Variants in PPFIBP1 observed in about 807,000 individuals in gnomAD.
The protein encoded by PPFIBP1 is liprin-beta-1.
PPFIBP1 carries 112 observed loss-of-function variants against 137.8 expected under a neutral mutation model. The observed-to-expected ratio is 0.81, with a 90% CI of 0.70 to 0.95. The LOEUF (loss-of-function observed/expected upper bound fraction) is 0.95. Among genes scored for constraint, PPFIBP1 ranks in the 40% least tolerant of loss-of-function variants. PPFIBP1 has a pLI of 0.00. For missense variants in PPFIBP1, 1,083 were observed against 1,196.6 expected (o/e 0.91, Z 1.40); for synonymous variants, 378 against 417.3 (o/e 0.91, Z 1.15).
At chr12:27,637,777 T>C (rs1408341414) in intron 4 of PPFIBP1, among the ~76,000 whole-genome samples, 2 of 152,152 alleles carry the variant, frequency 1.3e-5, no homozygotes, top group Non-Finnish European at 2.9e-5. Flanking sequence ...GACTTTATTT[T>C]AGAACCAAAA....
At chr12:27,593,108 G>C (rs1050440150) in intron 2 of PPFIBP1, among the ~76,000 whole-genome samples, 42 of 132,534 alleles carry the variant, frequency 3.2e-4, no homozygotes, top group Middle Eastern at 5.0e-3. Context: ...CTCCAGCCTG[G>C]GCAACGGAGA....
At chr12:27,585,338 GCTTTTCC>G (rs2051605231) in intron 2 of PPFIBP1, among the ~76,000 whole-genome samples, 2 of 152,310 alleles carry the variant, frequency 1.3e-5, no homozygotes, top group South Asian at 2.1e-4. Flanking sequence ...ATAAAACTGA[GCTTTTCC>G]ACTCAGGAAA....
At chr12:27,569,265 A>G (rs2136614876) in intron 1 of PPFIBP1, among the ~76,000 whole-genome samples, 1 of 152,098 alleles carries the variant, frequency 6.6e-6, no homozygotes, top group East Asian at 1.9e-4. Flanking sequence ...CATCTCCTTC[A>G]GTATGTATAT....
intron 18 of PPFIBP1, chr12:27,676,819 A>C: frequency 1.4e-6 from 1 of 706,992 alleles, no homozygotes; most frequent in South Asian, 1.7e-5. Context: ...GTATAAACTT[A>C]GCGGAAAGAC....
intron 1 of PPFIBP1, among the ~76,000 whole-genome samples, chr12:27,568,968 G>T (rs955126520): frequency 6.6e-6 from 1 of 151,992 alleles, no homozygotes; most frequent in Non-Finnish European, 1.5e-5. Context: ...AGAGAAAAAG[G>T]TCAGAAACCA....
chr12:27,653,289 A>G (rs2058987419), intron 7 of PPFIBP1, among the ~76,000 whole-genome samples: 2 of 152,172 alleles, frequency 1.3e-5, no homozygotes, highest in South Asian at 4.1e-4. Flanking sequence ...ATGTCTTTGT[A>G]AAAAGAGAGA....
chr12:27,623,081 G>A (rs554659164), intron 2 of PPFIBP1, among the ~76,000 whole-genome samples: 39 of 152,270 alleles, frequency 2.6e-4, no homozygotes, highest in African/African-American at 9.4e-4. Context: ...CTAGGAAGCA[G>A]TCCATGTAGC....
At chr12:27,570,739 T>C (rs890004364) in intron 1 of PPFIBP1, among the ~76,000 whole-genome samples, 1 of 151,512 alleles carries the variant, frequency 6.6e-6, no homozygotes, top group Non-Finnish European at 1.5e-5. Context: ...TGAAACCCTG[T>C]CTCTACGAAA....
intron 27 of PPFIBP1, among the ~76,000 whole-genome samples, 158 bp downstream of exon 27, chr12:27,689,361 A>G (rs1156799385): frequency 2.0e-5 from 3 of 151,860 alleles, no homozygotes; most frequent in Non-Finnish European, 4.4e-5. Context: ...CTTGGGAGAA[A>G]GATGTTGGCC....
At chr12:27,662,681 C>G (rs2059623139) in intron 11 of PPFIBP1, among the ~76,000 whole-genome samples, 1 of 152,156 alleles carries the variant, frequency 6.6e-6, no homozygotes. Context: ...CAAGCACAGA[C>G]TCAAGTACTG....
intron 2 of PPFIBP1, among the ~76,000 whole-genome samples, chr12:27,607,145 C>T (rs1332008469): frequency 6.6e-6 from 1 of 152,180 alleles, no homozygotes; most frequent in Non-Finnish European, 1.5e-5. Context: ...ACAGATTAGG[C>T]ACTGTGATAA....
At chr12:27,555,910 A>T (rs1429174299) in intron 1 of PPFIBP1, among the ~76,000 whole-genome samples, 1 of 152,216 alleles carries the variant, frequency 6.6e-6, no homozygotes, top group Non-Finnish European at 1.5e-5. Context: ...TAAAAAAAGC[A>T]ATTACTTATT....
intron 15 of PPFIBP1, 127 bp from the exon 16 acceptor site, chr12:27,673,640 A>AT: frequency 1.4e-6 from 1 of 729,444 alleles, no homozygotes; most frequent in South Asian, 1.9e-5. Context: ...TGACTGCCTG[A>AT]TTCCAGATTT....
chr12:27,577,770 G>A (rs1350010056), intron 1 of PPFIBP1, among the ~76,000 whole-genome samples: 2 of 152,012 alleles, frequency 1.3e-5, no homozygotes, highest in African/African-American at 2.4e-5. Context: ...TTACCTTAAC[G>A]ACAAAATATT....
intron 26 of PPFIBP1, 107 bp downstream of exon 26, chr12:27,688,530 A>T: frequency 7.5e-7 from 1 of 1,325,624 alleles, no homozygotes; most frequent in Non-Finnish European, 1.0e-6. Context: ...ATCTGACTCA[A>T]CCCTCCTGCC....
intron 4 of PPFIBP1, among the ~76,000 whole-genome samples, chr12:27,640,942 G>A (rs1350148338): frequency 6.6e-6 from 1 of 152,168 alleles, no homozygotes; most frequent in Non-Finnish European, 1.5e-5. Context: ...GGTAACTAGA[G>A]ATAATGTTTA....
At chr12:27,644,254 T>G in intron 4 of PPFIBP1, among the ~76,000 whole-genome samples, 1 of 41,738 alleles carries the variant, frequency 2.4e-5, no homozygotes, top group East Asian at 4.9e-4. Context: ...GTTTTTTTTT[T>G]TTTTTTTTTT....
At position 27,689,119 on chromosome 12, in the gene PPFIBP1, G is replaced by A. The variant is rs61730962; in HGVS notation, c.2601G>A (p.Leu867=). Residue 867 remains leucine (L), a synonymous_variant, in exon 27 of 30, where the codon CTG becomes CTA. Transcript: ENST00000228425. ...RRHLATHFNL[L]IGAEAQHQKR... ...ATTTGGCCACTCATTTCAACCTTCTGATTGGGGCTGAGGCACAGCACCAGA... is the reference window on the plus strand; with the variant it reads ...ATTTGGCCACTCATTTCAACCTTCTAATTGGGGCTGAGGCACAGCACCAGA... The A allele has an allele frequency of 9.4e-3, 15,153 of 1,608,732 alleles. 1,151 individuals are homozygous for A. In the African/African-American group the frequency reaches 0.17, roughly 18 times the overall value.
chr12:27,597,425 A>AT lies in PPFIBP1; in HGVS notation c.-36+19188dup, dbSNP rs774939889. On this transcript the variant is annotated intron_variant, in intron 2 of 29. Transcript: ENST00000228425. ...CACCTCGGCTCCCCAAAGTGTTGGGATTACAGGCGTGAGCCACCGCGACCG... is the reference window on the plus strand; with the variant it reads ...CACCTCGGCTCCCCAAAGTGTTGGGATTTACAGGCGTGAGCCACCGCGACCG... Among the ~76,000 whole-genome samples the AT allele has an allele frequency of 2.3e-4, 35 of 152,274 alleles. No homozygotes were observed. In the East Asian group the frequency reaches 2.7e-3, roughly 12 times the overall value.
Sources: gnomAD v4.1 joint callset for allele counts (sites outside exome capture counted in the v4.1 genomes callset) on GRCh38, gnomAD v4.1.1 for gene constraint, MANE v1.5 for transcripts, NCBI Gene and HGNC (gene_info 2026-07-23, HGNC 2026-07-21) for gene names.